The following EPN1 variants were observed in gnomAD, a reference collection of about 807,000 sequenced individuals.
The protein encoded by EPN1 is epsin-1.
Under a neutral mutation model 56.9 loss-of-function variants are expected in EPN1, and 25 were observed. The ratio of observed to expected loss-of-function variants is 0.44; its 90% CI spans 0.32 to 0.61. The LOEUF is 0.61. Among genes scored for constraint, EPN1 ranks in the 20% least tolerant of loss-of-function variants. The pLI, the probability that EPN1 is intolerant of heterozygous loss-of-function variation, is 0.05. For synonymous variants in EPN1, 411 were observed against 361.8 expected, an observed-to-expected ratio of 1.14 and a Z score of -1.54; for missense variants, 785 against 823.7, an observed-to-expected ratio of 0.95 and a Z score of 0.58.
chr19:55,691,925 GC>G lies in EPN1; in HGVS notation c.939del (p.Thr314ArgfsTer128). On this transcript the variant is annotated frameshift_variant, in exon 7 of 11. Coordinates refer to ENST00000270460, the MANE Select transcript of EPN1 (RefSeq NM_001130072.2). LOFTEE classifies it high-confidence loss of function. This position sits in a 1 kb window ranked among gnomAD's most constrained non-coding sequence, Gnocchi z 5.6. ...PPAADPWGGP[A>X]PTPASGDPWR... ...AGCTGCTGATCCCTGGGGAGGTCCA[GC>G]CCCCACGCCGGCCTCTGGGGACCCC... The G allele has an allele frequency of 6.4e-7, 1 of 1,558,268 alleles. No individual in the cohort carries two copies.
chr19:55,701,090 A>G lies in EPN1; in HGVS notation c.*5734A>G, dbSNP rs1303070508. On this transcript the variant is annotated 3_prime_UTR_variant, in exon 11 of 11. Coordinates refer to ENST00000270460, the MANE Select transcript of EPN1 (RefSeq NM_001130072.2). ...GGGCCCTGAGGGCTCCCTGGTTCCC[A>G]TCTTATCAAGATGCTGGACTCGGTG... 4 of 152,190 alleles carry G rather than the reference A, an allele frequency of 2.6e-5. No homozygotes were observed. The highest frequency in any genetic ancestry group is 5.9e-5 in the Non-Finnish European group (4 of 68,066). The allele number at this position is 152,190 out of a possible 1,614,324, so 9.4% of individuals were successfully genotyped here. A position where few individuals can be genotyped will look rare whatever the true frequency, so the allele number is the denominator to read the frequency against.
intron 2 of EPN1, among the ~76,000 whole-genome samples, chr19:55,679,986 TC>T (rs1985704200): frequency 6.6e-6 from 1 of 152,140 alleles, no homozygotes; most frequent in Admixed American, 6.5e-5. Context: ...CGCACATCCT[TC>T]CTGGTCAGTG....
rs1986938366 is a variant in EPN1 at position 55,697,085 on chromosome 19, A to AAG, written c.*1729_*1730insAG. The AAG allele has an allele frequency of 6.6e-6, 1 of 152,092 alleles. No homozygotes were observed. Among genetic ancestry groups the AAG allele is most frequent in the Non-Finnish European group, 1.5e-5 (1 of 68,018 alleles). The allele number at this position is 152,092 out of a possible 1,614,324, so 9.4% of individuals were successfully genotyped here. ...CAGGGAGGGGAAGCCCTCTTCTCAC[A>AAG]CCCGGCCTGGGTATGTTGTGGGAGA... On this transcript the variant is annotated 3_prime_UTR_variant, in exon 11 of 11. Coordinates refer to ENST00000270460, the MANE Select transcript of EPN1 (RefSeq NM_001130072.2).
chr19:55,687,403 C>T (rs1016132608), intron 3 of EPN1, among the ~76,000 whole-genome samples: 3 of 152,036 alleles, frequency 2.0e-5, no homozygotes, highest in Admixed American at 1.3e-4. Context: ...TGGGAAGGCC[C>T]GGGTGTTGCT....
Position 55,702,672 on chromosome 19 carries a change from T to C in EPN1, c.*7316T>C, listed in dbSNP as rs149161016. On this transcript the variant is annotated 3_prime_UTR_variant, in exon 11 of 11. Coordinates refer to ENST00000270460, the MANE Select transcript of EPN1 (RefSeq NM_001130072.2). ...TGTTAGGAAGTTTTTTGCTGGGGAC[T>C]CTCTTCGCCCTATCTACCTAAATGA... 1 of 152,258 alleles carries C rather than the reference T, an allele frequency of 6.6e-6. No homozygotes were observed. Among genetic ancestry groups the C allele is most frequent in the African/African-American group, 2.4e-5 (1 of 41,452 alleles). The allele number at this position is 152,258 out of a possible 1,614,324, so 9.4% of individuals were successfully genotyped here.
chr19:55,691,837 G>A lies in EPN1; in HGVS notation c.846G>A (p.Met282Ile), dbSNP rs1986572513. 1 of 1,607,560 alleles carries A rather than the reference G, an allele frequency of 6.2e-7. No individual in the cohort carries two copies. The highest frequency in any genetic ancestry group is 1.7e-5 in the Admixed American group (1 of 59,318). The change falls in exon 7 of 11, where the codon ATG becomes ATA. Residue 282 changes from methionine to isoleucine, a missense_variant. Around this residue, in one of 2 missense-constraint regions of EPN1, gnomAD observed 650 missense variants for 605.0 expected, o/e 1.07. Coordinates refer to ENST00000270460, the MANE Select transcript of EPN1 (RefSeq NM_001130072.2). This position sits in a 1 kb window ranked among gnomAD's most constrained non-coding sequence, Gnocchi z 5.6. ...ACCCCTGGGGGGGCCCAGCACCCAT[G>A]GCTGCTGCCGTCCCCACGGCTGCCC... The part of the protein sequence containing the change: ...TTDPWGGPAP[M>I]AAAVPTAAPT...
chr19:55,677,513 C>G, intron 1 of EPN1: 2 of 1,259,218 alleles, frequency 1.6e-6, no homozygotes, highest in Non-Finnish European at 2.2e-6. Flanking sequence ...CCTGCCATTC[C>G]TGGTGTGTGA....
At chr19:55,688,656 C>T (rs556216010) in intron 3 of EPN1, among the ~76,000 whole-genome samples, 2 of 151,996 alleles carry the variant, frequency 1.3e-5, no homozygotes, top group South Asian at 2.1e-4. Flanking sequence ...TGGCCCCTCC[C>T]GTGGGTGGGG....
chr19:55,685,045 T>A (rs1231060746), intron 2 of EPN1, among the ~76,000 whole-genome samples: 3 of 152,192 alleles, frequency 2.0e-5, no homozygotes, highest in African/African-American at 7.2e-5. Flanking sequence ...AGGTGGTCCC[T>A]CTCCATCCCT....
At position 55,695,089 on chromosome 19, in the gene EPN1, G is replaced by GAC. The variant is rs1986832963; in HGVS notation, c.1523-55_1523-54dup. On this transcript the variant is annotated intron_variant, in intron 10 of 10. Coordinates refer to ENST00000270460, the MANE Select transcript of EPN1 (RefSeq NM_001130072.2). The surrounding 1 kb of genome is among the most constrained non-coding windows in gnomAD (Gnocchi z 4.4). ...GCCCTTTGCCTGCACATGCTGGATG[G>GAC]ACACAGGTGGGCTGCGCCACTGACT... is the stretch of plus-strand genomic sequence containing the variant. 6.2e-7 allele frequency: 1 copy of GAC among 1,610,478 alleles called. No homozygotes were observed.
chr19:55,686,301 C>G (rs3786644), intron 3 of EPN1, among the ~76,000 whole-genome samples: 1 of 152,002 alleles, frequency 6.6e-6, no homozygotes, highest in Non-Finnish European at 1.5e-5. Context: ...CTGTGTTGGT[C>G]GGGGGCTCAC....
Position 55,698,008 on chromosome 19 carries a change from C to T in EPN1, c.*2652C>T, listed in dbSNP as rs1299901251. 2.0e-5 allele frequency: 3 copies of T among 151,630 alleles called. No individual in the cohort carries two copies. Among genetic ancestry groups the T allele is most frequent in the Non-Finnish European group, 2.9e-5 (2 of 68,022 alleles). 9.4% of individuals were successfully genotyped at this position (151,630 alleles called of 1,614,324 possible). Reference sequence around the variant, plus strand: ...ATGGAAAATCACTAAGAGCAAACCTCAGGGGTCCGGGGGTTTTCGGCTAAA... The same window carrying T: ...ATGGAAAATCACTAAGAGCAAACCTTAGGGGTCCGGGGGTTTTCGGCTAAA... On this transcript the variant is annotated 3_prime_UTR_variant, in exon 11 of 11. Transcript: ENST00000270460.
At chr19:55,680,344 A>G (rs1248200193) in intron 2 of EPN1, among the ~76,000 whole-genome samples, 3 of 152,006 alleles carry the variant, frequency 2.0e-5, no homozygotes, top group Non-Finnish European at 2.9e-5. Context: ...GACTCTCCCC[A>G]GGCCTGGCTG....
chr19:55,686,975 C>G (rs1986213360), intron 3 of EPN1, among the ~76,000 whole-genome samples: 1 of 152,012 alleles, frequency 6.6e-6, no homozygotes, highest in Non-Finnish European at 1.5e-5. Context: ...CGTTGCTGGC[C>G]ACGCCTTCCC....
rs1215265367 is a variant in EPN1, at chr19:55,689,804, G to A, written c.679-63G>A. On this transcript the variant is annotated intron_variant, in intron 5 of 10. Transcript: ENST00000270460. The surrounding 1 kb of genome is among the most constrained non-coding windows in gnomAD (Gnocchi z 5.7). ...GAGGGGTTGCTGGGGCTTCCAGGCT[G>A]AGGTGGCATCTGCCCGTGGCTCACG... 1 of 1,483,632 alleles carries A rather than the reference G, an allele frequency of 6.7e-7. No individual in the cohort carries two copies. The highest frequency in any genetic ancestry group is 1.4e-5 in the African/African-American group (1 of 71,896). 91.9% of individuals were successfully genotyped at this position (1,483,632 alleles called of 1,614,324 possible).
chr19:55,686,233 A>G (rs1986159164), intron 3 of EPN1, among the ~76,000 whole-genome samples: 1 of 152,188 alleles, frequency 6.6e-6, no homozygotes, highest in African/African-American at 2.4e-5. Context: ...CTGTCCCACG[A>G]AACATTTCCA....
chr19:55,700,831 A>G lies in EPN1; in HGVS notation c.*5475A>G, dbSNP rs1600114687. The G allele has an allele frequency of 6.6e-6, 1 of 152,402 alleles. No individual in the cohort carries two copies. The highest frequency in any genetic ancestry group is 1.9e-4 in the East Asian group (1 of 5,174). The allele number at this position is 152,402 out of a possible 1,614,324, so 9.4% of individuals were successfully genotyped here. A position where few individuals can be genotyped will look rare whatever the true frequency, so the allele number is the denominator to read the frequency against. On this transcript the variant is annotated 3_prime_UTR_variant, in exon 11 of 11. Transcript: ENST00000270460. ...CTACAGCAGTTAACCCTGCGTGCTC[A>G]GAGGGGAATGAAAGGTAGCTCAGAG...
intron 1 of EPN1, among the ~76,000 whole-genome samples, chr19:55,675,698 A>G (rs1490567336): frequency 1.3e-5 from 2 of 151,984 alleles, no homozygotes; most frequent in African/African-American, 4.8e-5. Context: ...GTTTGGAGAT[A>G]GGAGTGTGTT....
intron 3 of EPN1, among the ~76,000 whole-genome samples, chr19:55,686,956 T>A (rs545217313): frequency 1.3e-5 from 2 of 152,012 alleles, no homozygotes; most frequent in East Asian, 3.9e-4. Flanking sequence ...CCAGAGCTAA[T>A]GTCCTCTGCG....
Sources: gnomAD v4.1 joint callset for allele counts (sites outside exome capture counted in the v4.1 genomes callset) on GRCh38, gnomAD v4.1.1 for gene constraint, gnomAD v4.1.1 regional missense constraint, Gnocchi (gnomAD v3.1) non-coding constraint, MANE v1.5 for transcripts, NCBI Gene and HGNC (gene_info 2026-07-23, HGNC 2026-07-21) for gene names.